MCU: variants seen among roughly 807,000 people sequenced by gnomAD.
The protein encoded by MCU is mitochondrial calcium uniporter.
A neutral mutation model predicts 45.2 loss-of-function variants in MCU; 12 were observed. The observed-to-expected ratio is 0.27, with a 90% CI of 0.17 to 0.43. The LOEUF is 0.43. MCU is among the 20% of genes least tolerant of loss of function. The pLI, the probability that MCU is intolerant of heterozygous loss-of-function variation, is 1.00. For missense variants in MCU, 324 were observed against 436.7 expected (o/e 0.74, Z 2.30); for synonymous variants, 160 against 165.1 (o/e 0.97, Z 0.24).
At chr10:72,775,989 A>G (rs1477867396) in intron 1 of MCU, among the ~76,000 whole-genome samples, 1 of 152,032 alleles carries the variant, frequency 6.6e-6, no homozygotes, top group Admixed American at 6.6e-5. Flanking sequence ...ACATAGTGAG[A>G]CCCTGTCTCT....
chr10:72,884,180 A>G, intron 6 of MCU, 86 bp from the exon 7 acceptor site: 5 of 793,196 alleles, frequency 6.3e-6, no homozygotes, highest in East Asian at 2.4e-5. Flanking sequence ...ACGCATACAT[A>G]TGTATTGAAT....
intron 1 of MCU, among the ~76,000 whole-genome samples, chr10:72,813,338 G>A (rs1488087979): frequency 6.6e-6 from 1 of 151,742 alleles, no homozygotes; most frequent in Non-Finnish European, 1.5e-5. Flanking sequence ...AGCTGTAAAC[G>A]ACTCTGAAGA....
chr10:72,844,198 C>G (rs1845086485), intron 2 of MCU, among the ~76,000 whole-genome samples: 1 of 151,990 alleles, frequency 6.6e-6, no homozygotes, highest in African/African-American at 2.4e-5. Flanking sequence ...ACCAGCCTGG[C>G]CAACATGGCA....
At chr10:72,777,945 A>C (rs1168122429) in intron 1 of MCU, among the ~76,000 whole-genome samples, 1 of 152,242 alleles carries the variant, frequency 6.6e-6, no homozygotes, top group East Asian at 1.9e-4. Flanking sequence ...CAGCATCACT[A>C]ATAGAGAAAT....
chr10:72,859,410 CACAT>C (rs1845342796), intron 3 of MCU, 63 bp downstream of exon 3: 20 of 1,415,926 alleles, frequency 1.4e-5, no homozygotes, highest in Non-Finnish European at 1.7e-5. Context: ...CATTTCTAGA[CACAT>C]ACATACACCA....
At chr10:72,803,989 C>T (rs1273036774) in intron 1 of MCU, among the ~76,000 whole-genome samples, 2 of 113,182 alleles carry the variant, frequency 1.8e-5, no homozygotes, top group African/African-American at 6.4e-5. Context: ...TCTGTAGGAT[C>T]CTTCTCTTTG....
At chr10:72,712,267 T>C (rs2132662210) in intron 1 of MCU, 1 of 152,326 alleles carries the variant, frequency 6.6e-6, no homozygotes, top group South Asian at 2.1e-4. Flanking sequence ...TTTTTTGGTG[T>C]GGAATGTCCT....
intron 2 of MCU, among the ~76,000 whole-genome samples, chr10:72,838,684 T>C (rs761578595): frequency 2.2e-4 from 33 of 152,244 alleles, no homozygotes; most frequent in Non-Finnish European, 4.4e-4. Flanking sequence ...TTGTTATGTT[T>C]ATCTTGTACT....
chr10:72,859,234 G>A lies in MCU; in HGVS notation c.278G>A (p.Arg93Gln), dbSNP rs763876457. 2.5e-6 allele frequency: 4 copies of A among 1,612,596 alleles called. No individual in the cohort carries two copies. The highest frequency in any genetic ancestry group is 1.7e-5 in the Admixed American group (1 of 59,620). ...GTGATATCTGTGAGGCTACCATCCC[G>A]GCGTGAACGCTGTCAGTTCACACTC... ...LPVISVRLPS[R>Q]RERCQFTLKP... Residue 93 changes from arginine (R) to glutamine (Q), a missense_variant, in exon 3 of 8, where the codon CGG becomes CAG. Physicochemically the swap from Arg to Gln is conservative, Grantham distance 43 (BLOSUM62 1). Coordinates refer to ENST00000373053, the MANE Select transcript of MCU (RefSeq NM_138357.3).
At chr10:72,804,396 C>T (rs1182270931) in intron 1 of MCU, among the ~76,000 whole-genome samples, 2 of 152,026 alleles carry the variant, frequency 1.3e-5, no homozygotes, top group South Asian at 2.1e-4. Context: ...GACAATTTAC[C>T]TATTTTTAAA....
chr10:72,859,229 A>G lies in MCU; in HGVS notation c.273A>G (p.Pro91=). The stretch of plus-strand genomic sequence containing the variant: ...TACCTGTGATATCTGTGAGGCTACC[A>G]TCCCGGCGTGAACGCTGTCAGTTCA... ...NGLPVISVRL[P]SRRERCQFTL... is the part of the protein sequence containing the mutation. The change falls in exon 3 of 8, where the codon CCA becomes CCG. Residue 91 remains proline, a synonymous_variant. Transcript: ENST00000373053. The G allele has an allele frequency of 6.2e-7, 1 of 1,612,906 alleles. No individual in the cohort carries two copies. Among genetic ancestry groups the G allele is most frequent in the Non-Finnish European group, 8.5e-7 (1 of 1,179,610 alleles).
intron 1 of MCU, among the ~76,000 whole-genome samples, chr10:72,802,276 G>A (rs1844355062): frequency 6.6e-6 from 1 of 152,102 alleles, no homozygotes; most frequent in Non-Finnish European, 1.5e-5. Context: ...AGCATTTTCG[G>A]TGAGTCTTTT....
chr10:72,851,575 T>C (rs1218706532), intron 2 of MCU, among the ~76,000 whole-genome samples: 1 of 151,912 alleles, frequency 6.6e-6, no homozygotes, highest in Non-Finnish European at 1.5e-5. Flanking sequence ...GTGTGGAAAA[T>C]GGTCCTCATG....
chr10:72,806,899 C>A (rs1193523864), intron 1 of MCU, among the ~76,000 whole-genome samples: 1 of 152,134 alleles, frequency 6.6e-6, no homozygotes, highest in East Asian at 1.9e-4. Flanking sequence ...TTGGCCAGTT[C>A]AAGGAACAGT....
In MCU at chr10:72,737,471, T is replaced by G. The variant is rs180733812; in HGVS notation, c.150+45170T>G. Among the ~76,000 whole-genome samples, 12 of 152,166 alleles carry G rather than the reference T, an allele frequency of 7.9e-5. No individual in the cohort carries two copies. In the East Asian group the frequency reaches 2.3e-3, roughly 29 times the overall value. Reference sequence around the variant, plus strand: ...AGAGGGGGTAAGGGAAGCAGCCATGTATGAATTCCTTAGAAGGAAAGTTGG... The same window carrying G: ...AGAGGGGGTAAGGGAAGCAGCCATGGATGAATTCCTTAGAAGGAAAGTTGG... On this transcript the variant is annotated intron_variant, in intron 1 of 7. Transcript: ENST00000373053.
At chr10:72,847,873 G>A (rs1454329781) in intron 2 of MCU, among the ~76,000 whole-genome samples, 1 of 152,150 alleles carries the variant, frequency 6.6e-6, no homozygotes, top group African/African-American at 2.4e-5. Flanking sequence ...TTTACTTTTG[G>A]TCAAGAAGGT....
At chr10:72,777,742 C>T (rs1016692242) in intron 1 of MCU, among the ~76,000 whole-genome samples, 2 of 152,164 alleles carry the variant, frequency 1.3e-5, no homozygotes, top group African/African-American at 4.8e-5. Context: ...AGGAAACAGT[C>T]AACCTAGTAA....
chr10:72,822,597 C>T (rs1186257594), intron 1 of MCU, among the ~76,000 whole-genome samples: 1 of 152,144 alleles, frequency 6.6e-6, no homozygotes. Flanking sequence ...TGAAAAGATG[C>T]TCAACATCAT....
intron 1 of MCU, among the ~76,000 whole-genome samples, chr10:72,760,095 A>T (rs947996709): frequency 1.1e-4 from 16 of 150,912 alleles, no homozygotes; most frequent in Admixed American, 9.3e-4. Flanking sequence ...CCTGGGCTAG[A>T]GTGTAGTTGC....
Sources: allele counts gnomAD v4.1 joint callset (sites outside exome capture counted in the v4.1 genomes callset), GRCh38; gene constraint gnomAD v4.1.1; transcripts MANE v1.5; gene names NCBI Gene and HGNC (gene_info 2026-07-23, HGNC 2026-07-21).